Variants in WDR59 observed in about 807,000 individuals in gnomAD.
The protein encoded by WDR59 is WD repeat domain 59, also known as GATOR2 complex protein WDR59.
WDR59 carries 100 observed loss-of-function variants against 131.2 expected under a neutral mutation model. That is an observed-to-expected ratio of 0.76 (90% CI 0.65 to 0.90). The LOEUF is 0.90. Ranked by LOEUF, WDR59 falls within the 40% of genes least tolerant of loss-of-function variation. The pLI is 0.00. For missense variants in WDR59, 1,203 were observed against 1,262.2 expected (o/e 0.95, Z 0.71); for synonymous variants, 601 against 466.2 (o/e 1.29, Z -3.72).
chr16:74,982,513 T>C (rs939060040), intron 1 of WDR59, among the ~76,000 whole-genome samples: 1 of 152,144 alleles, frequency 6.6e-6, no homozygotes, highest in African/African-American at 2.4e-5. Flanking sequence ...TTCAATTACA[T>C]CTCTATAAAC....
chr16:74,979,826 A>C (rs1174723655), intron 1 of WDR59, among the ~76,000 whole-genome samples: 2 of 129,796 alleles, frequency 1.5e-5, no homozygotes, highest in Non-Finnish European at 3.1e-5. Context: ...GGTGTGAGTC[A>C]CCACACCCGG....
At chr16:74,907,260 T>C (rs901008042) in intron 17 of WDR59, among the ~76,000 whole-genome samples, 2 of 152,176 alleles carry the variant, frequency 1.3e-5, no homozygotes, top group South Asian at 2.1e-4. Flanking sequence ...ATAACTGATA[T>C]GGTTAGGCTT....
chr16:74,907,237 C>G (rs1965860887), intron 17 of WDR59, among the ~76,000 whole-genome samples: 1 of 152,180 alleles, frequency 6.6e-6, no homozygotes, highest in African/African-American at 2.4e-5. Flanking sequence ...CTTGTTAGCT[C>G]AGCTATTCAT....
chr16:74,909,589 C>G lies in WDR59; in HGVS notation c.1554G>C (p.Thr518=). Residue 518 remains threonine, a synonymous_variant, in exon 16 of 26, where the codon ACG becomes ACC. Coordinates refer to ENST00000262144, the MANE Select transcript of WDR59 (RefSeq NM_030581.4). ...CGTAAGCCGTGGTCACCCGCGCAAACGTCGGTAAGGGGGGAGTGACAGAGT... is the reference window on the plus strand; with the variant it reads ...CGTAAGCCGTGGTCACCCGCGCAAAGGTCGGTAAGGGGGGAGTGACAGAGT... ...LPNSVTPPLP[T]FARVTTAYGS... 6.2e-7 allele frequency: 1 copy of G among 1,610,256 alleles called. No homozygotes were observed. The highest frequency in any genetic ancestry group is 8.5e-7 in the Non-Finnish European group (1 of 1,178,570).
chr16:74,880,178 T>C (rs1964410360), intron 25 of WDR59, among the ~76,000 whole-genome samples: 1 of 152,092 alleles, frequency 6.6e-6, no homozygotes, highest in Non-Finnish European at 1.5e-5. Flanking sequence ...CCGGGTGCAG[T>C]GGCTCACGCC....
At chr16:74,901,405 G>A (rs983637094) in intron 18 of WDR59, among the ~76,000 whole-genome samples, 3 of 152,060 alleles carry the variant, frequency 2.0e-5, no homozygotes, top group African/African-American at 7.2e-5. Context: ...AGAAAAATTT[G>A]GGCTAAAAAT....
chr16:74,915,142 C>CCAGCACAGCA (rs997206973), intron 13 of WDR59, among the ~76,000 whole-genome samples: 4 of 152,242 alleles, frequency 2.6e-5, no homozygotes, highest in Admixed American at 6.5e-5. Flanking sequence ...ATGGCACAGC[C>CCAGCACAGCA]CAGCACAGCA....
At chr16:74,927,449 A>T (rs1270687497) in intron 8 of WDR59, among the ~76,000 whole-genome samples, 1 of 152,006 alleles carries the variant, frequency 6.6e-6, no homozygotes, top group East Asian at 1.9e-4. Context: ...TTAGCCAGGC[A>T]TGGTGGCACA....
At chr16:74,883,170 A>T (rs1964591572) in intron 25 of WDR59, among the ~76,000 whole-genome samples, 1 of 151,512 alleles carries the variant, frequency 6.6e-6, no homozygotes, top group African/African-American at 2.4e-5. Context: ...GACTACAAGC[A>T]CGCACCACCA....
intron 6 of WDR59, among the ~76,000 whole-genome samples, chr16:74,945,046 C>T (rs142424759): frequency 0.018 from 2,776 of 151,688 alleles, 83 homozygotes; most frequent in African/African-American, 0.064. Flanking sequence ...ATCGCTTGAA[C>T]CCAGGAGGCG....
intron 2 of WDR59, among the ~76,000 whole-genome samples, chr16:74,963,431 A>C (rs9935813): frequency 0.5 from 76,419 of 151,746 alleles, 20,564 homozygotes; most frequent in African/African-American, 0.71. Context: ...GAGATCATGT[A>C]CTTTGCAGGG....
chr16:74,947,558 T>C (rs560615108), intron 6 of WDR59, among the ~76,000 whole-genome samples: 1 of 152,336 alleles, frequency 6.6e-6, no homozygotes, highest in South Asian at 2.1e-4. Flanking sequence ...GTATGGACTT[T>C]ATTTAGATTC....
At chr16:74,961,847 G>C (rs2033580656) in intron 2 of WDR59, among the ~76,000 whole-genome samples, 1 of 152,122 alleles carries the variant, frequency 6.6e-6, no homozygotes, top group Admixed American at 6.6e-5. Flanking sequence ...TGGTGTTTTT[G>C]TCATAAAATC....
intron 2 of WDR59, chr16:74,959,281 C>A: frequency 3.7e-6 from 1 of 272,222 alleles, no homozygotes; most frequent in South Asian, 3.2e-5. Flanking sequence ...AAAACAAAAG[C>A]AAGCAAACAA....
Position 74,921,946 on chromosome 16 carries a change from C to G in WDR59, c.886+1G>C. ...GTGGGCAGCAGGCCTCTCCCACTCA[C>G]CTTCCTTCTGCTTCCTCCACTGGAA... On this transcript the variant is annotated splice_donor_variant, in intron 10 of 25. Transcript: ENST00000262144. LOFTEE classifies it high-confidence loss of function. The G allele has an allele frequency of 6.2e-7, 1 of 1,613,746 alleles. No homozygotes were observed. The highest frequency in any genetic ancestry group is 8.5e-7 in the Non-Finnish European group (1 of 1,179,888).
intron 2 of WDR59, chr16:74,959,370 C>A: frequency 3.4e-6 from 1 of 297,762 alleles, no homozygotes; most frequent in Non-Finnish European, 6.6e-6. Context: ...CCACCGTCTA[C>A]CCACTTAAAG....
At chr16:74,938,920 G>C (rs960715379) in intron 7 of WDR59, among the ~76,000 whole-genome samples, 2 of 151,992 alleles carry the variant, frequency 1.3e-5, no homozygotes, top group Admixed American at 1.3e-4. Flanking sequence ...CATCCAAATG[G>C]ACTCAGCTTC....
At position 74,916,174 on chromosome 16, in the gene WDR59, G is replaced by C. The variant is rs201589102; in HGVS notation, c.1052C>G (p.Thr351Ser). 1.2e-6 allele frequency: 2 copies of C among 1,614,154 alleles called. No individual in the cohort carries two copies. The highest frequency in any genetic ancestry group is 2.7e-5 in the African/African-American group (2 of 75,044). ...LLPEPEKTLH[T>S]EDTDHQHTAS... ...AGTGTGCTGGTGATCTGTATCTTCA[G>C]TGTGCAGGGTCTTCTCAGGTTCCGG... Residue 351 changes from threonine to serine, a missense_variant, in exon 12 of 26, where the codon ACT (threonine) becomes AGT (serine). Transcript: ENST00000262144.
chr16:74,929,168 G>A (rs1489393307), intron 8 of WDR59, among the ~76,000 whole-genome samples: 1 of 152,104 alleles, frequency 6.6e-6, no homozygotes, highest in South Asian at 2.1e-4. Context: ...TCGTCCTCCC[G>A]GGTTCATGCC....
Sources: gnomAD v4.1 joint callset for allele counts (sites outside exome capture counted in the v4.1 genomes callset) on GRCh38, gnomAD v4.1.1 for gene constraint, MANE v1.5 for transcripts, NCBI Gene and HGNC (gene_info 2026-07-23, HGNC 2026-07-21) for gene names.